The following PCDHA9 variants were observed in gnomAD, a reference collection of about 807,000 sequenced individuals.
PCDHA9 encodes protocadherin alpha-9.
A neutral mutation model predicts 62.0 loss-of-function variants in PCDHA9; 62 were observed. That is an observed-to-expected ratio of 1.00 (90% CI 0.81 to 1.23). The LOEUF is 1.23. Among genes scored for constraint, PCDHA9 ranks in the 50% most tolerant of loss-of-function variants. The probability of loss-of-function intolerance (pLI) is 0.00; values close to 1 mark genes in which losing one functional copy is unlikely to be tolerated. For missense variants in PCDHA9, 1,205 were observed against 1,249.8 expected (o/e 0.96, Z 0.54); for synonymous variants, 557 against 567.6 (o/e 0.98, Z 0.27).
chr5:141,000,616 C>A (rs1227863226), intron 3 of PCDHA9, among the ~76,000 whole-genome samples: 1 of 150,774 alleles, frequency 6.6e-6, no homozygotes, highest in African/African-American at 2.4e-5. Context: ...TTAGTAGAGA[C>A]AGGGTTTCAC....
chr5:140,973,388 G>T (rs1192097180), intron 1 of PCDHA9, among the ~76,000 whole-genome samples: 4 of 152,202 alleles, frequency 2.6e-5, no homozygotes, highest in South Asian at 4.1e-4. Flanking sequence ...AATAGACAAA[G>T]AAATCATATC....
At chr5:140,951,407 A>C (rs115221257) in intron 1 of PCDHA9, among the ~76,000 whole-genome samples, 1 of 152,068 alleles carries the variant, frequency 6.6e-6, no homozygotes, top group Admixed American at 6.6e-5. Flanking sequence ...AAAGAGGTTT[A>C]ATTGGCTCAC....
intron 1 of PCDHA9, among the ~76,000 whole-genome samples, chr5:140,896,733 C>T (rs920661983): frequency 2.0e-5 from 3 of 151,970 alleles, no homozygotes; most frequent in Non-Finnish European, 2.9e-5. Flanking sequence ...TGTTTAAGTT[C>T]CTTATAGATT....
chr5:140,876,106 C>G, intron 1 of PCDHA9: 1 of 1,613,942 alleles, frequency 6.2e-7, no homozygotes, highest in Admixed American at 1.7e-5. Context: ...CAATTTATTG[C>G]TGATGGTAAT....
chr5:140,904,397 T>G (rs2071090298), intron 1 of PCDHA9, among the ~76,000 whole-genome samples: 1 of 151,416 alleles, frequency 6.6e-6, no homozygotes, highest in East Asian at 1.9e-4. Flanking sequence ...TATTCCATGG[T>G]GTATTATATA....
intron 1 of PCDHA9, chr5:140,929,146 CAG>C (rs782305171): frequency 6.2e-7 from 1 of 1,614,180 alleles, no homozygotes; most frequent in Non-Finnish European, 8.5e-7. Flanking sequence ...GAGACTTTCT[CAG>C]ACTTATCTCT....
chr5:140,926,959 G>C (rs781794027), intron 1 of PCDHA9: 23 of 1,603,904 alleles, frequency 1.4e-5, no homozygotes, highest in Non-Finnish European at 1.9e-5. Context: ...GGGACAGCTC[G>C]AGTACTCAGT....
intron 1 of PCDHA9, among the ~76,000 whole-genome samples, chr5:140,903,731 T>C (rs1554191096): frequency 6.6e-6 from 1 of 152,238 alleles, no homozygotes; most frequent in South Asian, 2.1e-4. Context: ...CTATTATCAA[T>C]TATTACAGAA....
intron 1 of PCDHA9, chr5:140,883,849 G>A (rs2059850853): frequency 1.2e-6 from 2 of 1,612,940 alleles, no homozygotes; most frequent in East Asian, 2.2e-5. Context: ...ACCACGAGGA[G>A]CTGGAGCTGT....
At chr5:140,992,251 A>G (rs1554252780) in intron 3 of PCDHA9, among the ~76,000 whole-genome samples, 1 of 152,198 alleles carries the variant, frequency 6.6e-6, no homozygotes, top group Non-Finnish European at 1.5e-5. Flanking sequence ...AAGTAGAGCT[A>G]AAGATGAAAG....
intron 1 of PCDHA9, among the ~76,000 whole-genome samples, chr5:140,940,019 T>C (rs1554213082): frequency 6.6e-6 from 1 of 152,230 alleles, no homozygotes; most frequent in East Asian, 1.9e-4. Context: ...TTGTGTCATA[T>C]GTTTTAAGGC....
chr5:140,883,445 G>A, intron 1 of PCDHA9: 1 of 1,614,164 alleles, frequency 6.2e-7, no homozygotes, highest in South Asian at 1.1e-5. Flanking sequence ...GACGCCGCAT[G>A]TCCCCTTCAA....
chr5:140,950,720 T>C (rs2094512536), intron 1 of PCDHA9, among the ~76,000 whole-genome samples: 1 of 152,106 alleles, frequency 6.6e-6, no homozygotes, highest in South Asian at 2.1e-4. Flanking sequence ...CTTATATCCT[T>C]AAATTTTTTA....
At chr5:140,994,657 A>G (rs2097643468) in intron 3 of PCDHA9, among the ~76,000 whole-genome samples, 1 of 152,166 alleles carries the variant, frequency 6.6e-6, no homozygotes, top group Non-Finnish European at 1.5e-5. Flanking sequence ...GTGAGCTGAG[A>G]TCACACTACT....
intron 1 of PCDHA9, chr5:140,928,814 A>T (rs782622875): frequency 5.6e-6 from 9 of 1,614,150 alleles, no homozygotes; most frequent in Non-Finnish European, 7.6e-6. Context: ...GTTCGGGACC[A>T]TGGAGACCCA....
chr5:140,896,596 C>T (rs1554187019), intron 1 of PCDHA9, among the ~76,000 whole-genome samples: 2 of 151,466 alleles, frequency 1.3e-5, no homozygotes, highest in African/African-American at 4.9e-5. Flanking sequence ...AGGCTGGTCT[C>T]GAACTCCTGG....
At chr5:140,959,883 C>T (rs535578218) in intron 1 of PCDHA9, among the ~76,000 whole-genome samples, 4 of 152,222 alleles carry the variant, frequency 2.6e-5, no homozygotes, top group South Asian at 2.1e-4. Flanking sequence ...AAGGAATACA[C>T]GAGTGGGATT....
chr5:140,864,629 A>G (rs2048549336), intron 1 of PCDHA9: 1 of 152,244 alleles, frequency 6.6e-6, no homozygotes, highest in Non-Finnish European at 1.5e-5. Context: ...TAAAAAGAAA[A>G]CAAAACAAAA....
At chr5:140,948,543 T>C (rs1226242016) in intron 1 of PCDHA9, among the ~76,000 whole-genome samples, 2 of 151,702 alleles carry the variant, frequency 1.3e-5, no homozygotes, top group Non-Finnish European at 3.0e-5. Flanking sequence ...TTTCATGCTC[T>C]GTCAATTTTG....
Sources: gnomAD v4.1 joint callset for allele counts (sites outside exome capture counted in the v4.1 genomes callset) on GRCh38, gnomAD v4.1.1 for gene constraint, MANE v1.5 for transcripts, NCBI Gene and HGNC (gene_info 2026-07-23, HGNC 2026-07-21) for gene names.